Variants in PID1 observed in about 807,000 individuals in gnomAD.
PID1 encodes PTB-containing, cubilin and LRP1-interacting protein.
Under a neutral mutation model 19.1 loss-of-function variants are expected in PID1, and 10 were observed. The ratio of observed to expected loss-of-function variants is 0.52; its 90% CI spans 0.32 to 0.89. PID1 has a LOEUF of 0.89. PID1 is among the 40% of genes least tolerant of loss of function. The pLI, the probability that PID1 is intolerant of heterozygous loss-of-function variation, is 0.03. For missense variants in PID1, 248 were observed against 285.3 expected, an observed-to-expected ratio of 0.87 and a Z score of 0.94; for synonymous variants, 130 against 116.0, an observed-to-expected ratio of 1.12 and a Z score of -0.78.
At chr2:229,062,259 T>A (rs1317849875) in intron 2 of PID1, among the ~76,000 whole-genome samples, 1 of 151,976 alleles carries the variant, frequency 6.6e-6, no homozygotes, top group East Asian at 1.9e-4. Flanking sequence ...GGAGGTACAT[T>A]CCTTCTGTGG....
At chr2:229,232,232 GC>G (rs1159414260) in intron 1 of PID1, 6 of 1,010,012 alleles carry the variant, frequency 5.9e-6, no homozygotes, top group Non-Finnish European at 8.0e-6. Context: ...GACCATCCTG[GC>G]TAACACAGTG....
rs1319033110 is a variant in PID1 at position 229,260,816 on chromosome 2, C to CTTTTTTTTT, written c.30+10197_30+10198insAAAAAAAAA. 5.0e-5 allele frequency among the ~76,000 whole-genome samples: 6 copies of CTTTTTTTTT among 121,190 alleles called. 1 individual carries two copies. The highest frequency in any genetic ancestry group is 3.4e-5 in the Non-Finnish European group (2 of 58,662). The allele number at this position is 121,190 out of a possible 152,430, so 79.5% of individuals were successfully genotyped here. A position where few individuals can be genotyped will look rare whatever the true frequency, so the allele number is the denominator to read the frequency against. Reference sequence around the variant, plus strand: ...CAGATGTAGAGAAAATTCTGATTGCCATTTTTTTTTTTTTTTTTTTTTTGG... The same window carrying CTTTTTTTTT: ...CAGATGTAGAGAAAATTCTGATTGCCTTTTTTTTTATTTTTTTTTTTTTTTTTTTTTTGG... On this transcript the variant is annotated intron_variant, in intron 1 of 2. Transcript: ENST00000392055.
At chr2:229,062,273 A>C (rs1694228091) in intron 2 of PID1, among the ~76,000 whole-genome samples, 1 of 151,846 alleles carries the variant, frequency 6.6e-6, no homozygotes. Flanking sequence ...TCTGTGGCTA[A>C]TTTGCTGAGT....
At chr2:229,195,460 T>C (rs1574711827) in intron 1 of PID1, among the ~76,000 whole-genome samples, 1 of 151,860 alleles carries the variant, frequency 6.6e-6, no homozygotes, top group South Asian at 2.1e-4. Context: ...TACATATACA[T>C]ACATATATTC....
At chr2:229,185,401 G>A (rs1053179986) in intron 1 of PID1, among the ~76,000 whole-genome samples, 1 of 152,082 alleles carries the variant, frequency 6.6e-6, no homozygotes, top group African/African-American at 2.4e-5. Context: ...TAGGGATGCT[G>A]CTCCAGCAAG....
chr2:229,031,215 C>CAAAAAAAAAAAAAA (rs3083804), intron 2 of PID1, among the ~76,000 whole-genome samples: 12 of 68,406 alleles, frequency 1.8e-4, no homozygotes, highest in African/African-American at 5.1e-4. Flanking sequence ...GACTCTGTCT[C>CAAAAAAAAAAAAAA]AAAAAAAAAA....
Position 229,024,202 on chromosome 2 carries a change from G to A in PID1, c.*1430C>T, listed in dbSNP as rs537414896. On this transcript the variant is annotated 3_prime_UTR_variant, in exon 3 of 3. Coordinates refer to ENST00000392055, the MANE Select transcript of PID1 (RefSeq NM_001100818.2). ...ATACGGACACACAGATATGCAGACC[G>A]AAATGCTGACACCATCGCTCTCTAG... is the stretch of plus-strand genomic sequence containing the variant. The A allele has an allele frequency of 3.3e-5, 5 of 152,644 alleles. No homozygotes were observed. The East Asian group carries it at 5.8e-4, about 18-fold the overall frequency. 9.5% of individuals were successfully genotyped at this position (152,644 alleles called of 1,614,324 possible).
At chr2:229,220,781 C>A (rs1327448531) in intron 1 of PID1, among the ~76,000 whole-genome samples, 1 of 152,068 alleles carries the variant, frequency 6.6e-6, no homozygotes, top group Non-Finnish European at 1.5e-5. Context: ...AAAATTAAAA[C>A]TAAATAAATC....
At chr2:229,263,037 T>C (rs1559307996) in intron 1 of PID1, 3 of 742,054 alleles carry the variant, frequency 4.0e-6, no homozygotes, top group Admixed American at 4.0e-5. Context: ...ACACATCTTT[T>C]AGGGGAACAC....
chr2:229,048,542 C>T (rs980045737), intron 2 of PID1, among the ~76,000 whole-genome samples: 3 of 151,996 alleles, frequency 2.0e-5, no homozygotes, highest in African/African-American at 7.3e-5. Flanking sequence ...AGGACCAGCC[C>T]AAAATTTGGT....
At chr2:229,052,881 CTTTTA>C (rs915743165) in intron 2 of PID1, among the ~76,000 whole-genome samples, 11 of 152,092 alleles carry the variant, frequency 7.2e-5, no homozygotes, top group Non-Finnish European at 1.0e-4. Flanking sequence ...TTGAAAGTTT[CTTTTA>C]TAAGTAAGAA....
chr2:229,207,880 A>C (rs1177169557), intron 1 of PID1, among the ~76,000 whole-genome samples: 1 of 152,060 alleles, frequency 6.6e-6, no homozygotes, highest in Non-Finnish European at 1.5e-5. Flanking sequence ...ACGGCTCGGT[A>C]AATGGAAAAA....
At chr2:229,035,604 C>T (rs1693648117) in intron 2 of PID1, among the ~76,000 whole-genome samples, 1 of 151,968 alleles carries the variant, frequency 6.6e-6, no homozygotes, top group Admixed American at 6.6e-5. Flanking sequence ...GATCTGAGAA[C>T]ACTTGCCCCA....
In PID1 at chr2:229,026,088, G is replaced by A; in HGVS notation, c.198C>T (p.Val66=). The A allele has an allele frequency of 6.2e-7, 1 of 1,613,738 alleles. No individual in the cohort carries two copies. The change falls in exon 3 of 3, where the codon GTC becomes GTT. Residue 66 remains valine (V), a synonymous_variant. Transcript: ENST00000392055. ...SGCKVTYLGK[V]STTGMQFLSG... is the part of the protein sequence containing the mutation. ...ACAAAAACTGCATGCCAGTGGTGGA[G>A]ACTTTGCCCAGGTAGGTAACCTGCA...
At chr2:229,143,414 T>C (rs941578813) in intron 2 of PID1, among the ~76,000 whole-genome samples, 4 of 152,152 alleles carry the variant, frequency 2.6e-5, no homozygotes, top group African/African-American at 9.7e-5. Flanking sequence ...CCTTATATCT[T>C]AAATGGTTCC....
At chr2:229,230,183 T>C (rs1692171611) in intron 1 of PID1, among the ~76,000 whole-genome samples, 1 of 152,220 alleles carries the variant, frequency 6.6e-6, no homozygotes, top group Non-Finnish European at 1.5e-5. Context: ...GTTTCTAATA[T>C]GTTGTCAAGA....
intron 2 of PID1, among the ~76,000 whole-genome samples, chr2:229,068,435 T>C (rs1694377007): frequency 2.2e-5 from 1 of 45,934 alleles, no homozygotes; most frequent in South Asian, 1.2e-3. Flanking sequence ...TACTGCAGTT[T>C]GTCTTCAACA....
chr2:229,189,273 C>T (rs919796099), intron 1 of PID1, among the ~76,000 whole-genome samples: 2 of 152,214 alleles, frequency 1.3e-5, no homozygotes, highest in African/African-American at 4.8e-5. Context: ...AATCAATTTA[C>T]ACACTACCTG....
intron 1 of PID1, among the ~76,000 whole-genome samples, chr2:229,211,283 G>A (rs533478616): frequency 1.6e-4 from 24 of 152,014 alleles, no homozygotes; most frequent in South Asian, 8.3e-4. Flanking sequence ...GAAATGGGGC[G>A]TCCCACATGA....
Sources: gnomAD v4.1 joint callset for allele counts (sites outside exome capture counted in the v4.1 genomes callset) on GRCh38, gnomAD v4.1.1 for gene constraint, MANE v1.5 for transcripts, NCBI Gene and HGNC (gene_info 2026-07-23, HGNC 2026-07-21) for gene names.